Variants in HS6ST3 observed in about 807,000 individuals in gnomAD.
HS6ST3 encodes the protein heparan-sulfate 6-O-sulfotransferase 3.
HS6ST3 carries 12 observed loss-of-function variants against 36.7 expected under a neutral mutation model. The observed-to-expected ratio is 0.33, with a 90% CI of 0.21 to 0.53. The LOEUF is 0.53. Ranked by LOEUF, HS6ST3 falls within the 20% of genes least tolerant of loss-of-function variation. The pLI, the probability that HS6ST3 is intolerant of heterozygous loss-of-function variation, is 0.95. For synonymous variants in HS6ST3, 240 were observed against 257.5 expected, an observed-to-expected ratio of 0.93 and a Z score of 0.65; for missense variants, 584 against 640.9, an observed-to-expected ratio of 0.91 and a Z score of 0.96.
In HS6ST3 at chr13:96,742,299, AGAT is replaced by A. The variant is rs148101829; in HGVS notation, c.708-90187_708-90185del. On this transcript the variant is annotated intron_variant, in intron 1 of 1. Coordinates refer to ENST00000376705, the MANE Select transcript of HS6ST3 (RefSeq NM_153456.4). ...CAGAAAAAATAGGAACAATAAAATA[AGAT>A]GATTAGAAGTAATTCCAAATATATC... is the stretch of plus-strand genomic sequence containing the variant. Among the ~76,000 whole-genome samples the A allele has an allele frequency of 1.3e-3, 200 of 152,248 alleles. 1 individual carries two copies. Among genetic ancestry groups the A allele is most frequent in the African/African-American group, 4.7e-3 (195 of 41,566 alleles).
chr13:96,487,427 A>C (rs1002394098), intron 1 of HS6ST3, among the ~76,000 whole-genome samples: 31 of 152,140 alleles, frequency 2.0e-4, no homozygotes, highest in African/African-American at 7.5e-4. Flanking sequence ...GGCTTAAAAA[A>C]GTCTTAGAAA....
chr13:96,328,422 G>A (rs1007071080), intron 1 of HS6ST3, among the ~76,000 whole-genome samples: 15 of 152,174 alleles, frequency 9.9e-5, no homozygotes, highest in African/African-American at 3.1e-4. Context: ...GGCCTTTTCT[G>A]CATCTATTGA....
Position 96,770,943 on chromosome 13 carries a change from CCTCT to C in HS6ST3, c.708-61546_708-61543del, listed in dbSNP as rs1052741075. Among the ~76,000 whole-genome samples the C allele has an allele frequency of 6.9e-4, 105 of 152,258 alleles. 1 individual carries two copies. Among genetic ancestry groups the C allele is most frequent in the African/African-American group, 2.4e-3 (100 of 41,548 alleles). The stretch of plus-strand genomic sequence containing the variant: ...TCAGCAATGTATGGAAAGCAGGAGG[CCTCT>C]TTTAAAAGAACACAGGGTATATATG... On this transcript the variant is annotated intron_variant, in intron 1 of 1. Transcript: ENST00000376705.
chr13:96,414,372 A>G (rs2055522680), intron 1 of HS6ST3, among the ~76,000 whole-genome samples: 1 of 152,184 alleles, frequency 6.6e-6, no homozygotes, highest in South Asian at 2.1e-4. Flanking sequence ...CTGACCTTTT[A>G]ATTTGTATAT....
At chr13:96,214,082 T>A (rs1369720513) in intron 1 of HS6ST3, among the ~76,000 whole-genome samples, 1 of 152,220 alleles carries the variant, frequency 6.6e-6, no homozygotes, top group Non-Finnish European at 1.5e-5. Context: ...GAATTTGGTG[T>A]GATCATTTTC....
intron 1 of HS6ST3, among the ~76,000 whole-genome samples, chr13:96,689,961 A>G (rs1176365754): frequency 2.6e-5 from 4 of 152,094 alleles, no homozygotes; most frequent in African/African-American, 9.7e-5. Context: ...CCTGTTTTGA[A>G]GAAGGCACTA....
chr13:96,335,726 C>T (rs1566329227), intron 1 of HS6ST3, among the ~76,000 whole-genome samples: 1 of 152,168 alleles, frequency 6.6e-6, no homozygotes, highest in Non-Finnish European at 1.5e-5. Flanking sequence ...TAGTCCTCCT[C>T]TTTAGAGTTG....
chr13:96,646,471 A>G (rs182722463), intron 1 of HS6ST3, among the ~76,000 whole-genome samples: 1 of 152,190 alleles, frequency 6.6e-6, no homozygotes, highest in African/African-American at 2.4e-5. Flanking sequence ...TATAATTACT[A>G]TAAGATGGCA....
chr13:96,586,483 A>T (rs539103320), intron 1 of HS6ST3, among the ~76,000 whole-genome samples: 5 of 152,010 alleles, frequency 3.3e-5, no homozygotes, highest in South Asian at 4.1e-4. Context: ...TTTAGTAGAG[A>T]CAGGTTTTCA....
intron 1 of HS6ST3, among the ~76,000 whole-genome samples, chr13:96,217,563 GTCCATCCA>G (rs765443599): frequency 6.6e-6 from 1 of 151,972 alleles, no homozygotes; most frequent in African/African-American, 2.4e-5. Flanking sequence ...CTCTCTCTCT[GTCCATCCA>G]TCCATCCATC....
At position 96,601,000 on chromosome 13, in the gene HS6ST3, C is replaced by G. The variant is rs150717184; in HGVS notation, c.708-231490C>G. On this transcript the variant is annotated intron_variant, in intron 1 of 1. Coordinates refer to ENST00000376705, the MANE Select transcript of HS6ST3 (RefSeq NM_153456.4). ...AGACACTAAAGATAGGATCCCAACC[C>G]CTTTTGGCTTGGAAGGTTTCATTGA... Among the ~76,000 whole-genome samples the G allele has an allele frequency of 1.6e-4, 24 of 152,198 alleles. No homozygotes were observed. In the East Asian group the frequency reaches 3.9e-3, roughly 25 times the overall value.
chr13:96,724,795 A>T (rs956590472), intron 1 of HS6ST3, among the ~76,000 whole-genome samples: 4 of 152,202 alleles, frequency 2.6e-5, no homozygotes, highest in Non-Finnish European at 5.9e-5. Context: ...GGTTGTTCTC[A>T]ATCTTGCGAT....
chr13:96,546,314 G>A (rs551127321), intron 1 of HS6ST3, among the ~76,000 whole-genome samples: 75 of 148,582 alleles, frequency 5.0e-4, no homozygotes, highest in Non-Finnish European at 4.7e-4. Flanking sequence ...TTACAGGGGC[G>A]TGTGTGTGTG....
intron 1 of HS6ST3, among the ~76,000 whole-genome samples, chr13:96,737,631 C>CAAA (rs5805990): frequency 1.2e-4 from 8 of 65,746 alleles, no homozygotes; most frequent in Admixed American, 2.1e-4. Context: ...GACTCCGTCT[C>CAAA]AAAAAAAAAA....
chr13:96,219,109 A>G (rs1442169947), intron 1 of HS6ST3, among the ~76,000 whole-genome samples: 1 of 151,616 alleles, frequency 6.6e-6, no homozygotes, highest in Non-Finnish European at 1.5e-5. Flanking sequence ...AGACCCTTGC[A>G]TACAGGCATG....
intron 1 of HS6ST3, among the ~76,000 whole-genome samples, chr13:96,587,420 C>T (rs1488490435): frequency 6.6e-6 from 1 of 152,016 alleles, no homozygotes; most frequent in Non-Finnish European, 1.5e-5. Flanking sequence ...ATTGCTCCAA[C>T]AGAATACCAG....
intron 1 of HS6ST3, among the ~76,000 whole-genome samples, chr13:96,577,733 T>A (rs1225976533): frequency 2.0e-5 from 3 of 151,990 alleles, no homozygotes; most frequent in Non-Finnish European, 2.9e-5. Context: ...CCAACAAACA[T>A]GAAAAAAAGC....
At chr13:96,822,351 G>C (rs1412991932) in intron 1 of HS6ST3, among the ~76,000 whole-genome samples, 1 of 152,208 alleles carries the variant, frequency 6.6e-6, no homozygotes, top group Non-Finnish European at 1.5e-5. Flanking sequence ...CCTGAATAAT[G>C]AATGAGAGCA....
At chr13:96,132,119 AGT>A (rs2053978819) in intron 1 of HS6ST3, among the ~76,000 whole-genome samples, 1 of 108,740 alleles carries the variant, frequency 9.2e-6, no homozygotes, top group Non-Finnish European at 1.8e-5. Context: ...ATAGTATTCC[AGT>A]ACACACACAC....
Sources: allele counts gnomAD v4.1 joint callset (sites outside exome capture counted in the v4.1 genomes callset), GRCh38; gene constraint gnomAD v4.1.1; transcripts MANE v1.5; gene names NCBI Gene and HGNC (gene_info 2026-07-23, HGNC 2026-07-21).